PCDH11X: variants seen among roughly 807,000 people sequenced by gnomAD.
The protein encoded by PCDH11X is protocadherin 11 X-linked, also known as protocadherin-11 X-linked.
In PCDH11X, 18 loss-of-function variants were observed where a neutral mutation model predicts 53.3. The ratio of observed to expected loss-of-function variants is 0.34; its 90% CI spans 0.23 to 0.50. The LOEUF is 0.50. PCDH11X is among the 20% of genes least tolerant of loss of function. The probability of loss-of-function intolerance (pLI) is 0.98; values close to 1 mark genes in which losing one functional copy is unlikely to be tolerated. For synonymous variants in PCDH11X, 279 were observed against 393.3 expected (o/e 0.71, Z 3.44); for missense variants, 570 against 1,032.4 (o/e 0.55, Z 6.14).
chrX:92,555,106 A>G (rs2075026864), intron 10 of PCDH11X, among the ~76,000 whole-genome samples: 1 of 111,675 alleles, frequency 9.0e-6, no homozygotes, highest in African/African-American at 3.3e-5. Context: ...TAGGAACCTC[A>G]TAACTTTTAA....
intron 6 of PCDH11X, among the ~76,000 whole-genome samples, chrX:92,157,664 A>C (rs1245908946): frequency 8.9e-6 from 1 of 111,815 alleles, no homozygotes; most frequent in African/African-American, 3.2e-5. Context: ...ACTCAAATAC[A>C]CACTTTTCAT....
chrX:92,549,075 G>A (rs2751011), intron 10 of PCDH11X, among the ~76,000 whole-genome samples: 5,755 of 65,877 alleles, frequency 0.087, 444 homozygotes, highest in Non-Finnish European at 0.11. Flanking sequence ...GATTCACTAT[G>A]TATTCTCACA....
intron 8 of PCDH11X, among the ~76,000 whole-genome samples, chrX:92,321,334 A>C (rs2069201894): frequency 9.2e-6 from 1 of 108,180 alleles, no homozygotes; most frequent in South Asian, 4.1e-4. Flanking sequence ...CTGGAACTAC[A>C]GGCGCCTGCC....
Position 92,046,549 on chromosome X carries a change from A to AT in PCDH11X, c.3034-154824dup, listed in dbSNP as rs199625130. Among the ~76,000 whole-genome samples the AT allele has an allele frequency of 5.4e-3, 607 of 111,411 alleles. 14 individuals are homozygous for AT. The East Asian group carries it at 0.058, about 11-fold the overall frequency. On this transcript the variant is annotated intron_variant, in intron 6 of 10. Transcript: ENST00000682573. ...CATGTGTTGTTTGTTTTACATTGATATTGGCACTGTTGTAAATTCTTTTTG... is the reference window on the plus strand; with the variant it reads ...CATGTGTTGTTTGTTTTACATTGATATTTGGCACTGTTGTAAATTCTTTTTG...
intron 7 of PCDH11X, among the ~76,000 whole-genome samples, chrX:92,244,444 A>T (rs1411803413): frequency 3.6e-5 from 4 of 110,150 alleles, no homozygotes; most frequent in Non-Finnish European, 5.7e-5. Flanking sequence ...CAATTAATTG[A>T]TCTTCCTTAA....
intron 4 of PCDH11X, among the ~76,000 whole-genome samples, chrX:91,813,901 A>G (rs1474319384): frequency 9.3e-6 from 1 of 107,000 alleles, no homozygotes; most frequent in African/African-American, 3.4e-5. Context: ...AGCTGTACTT[A>G]GTGAAAAATT....
At chrX:92,565,410 A>G (rs1410820458) in intron 10 of PCDH11X, among the ~76,000 whole-genome samples, 2 of 103,372 alleles carry the variant, frequency 1.9e-5, no homozygotes, top group Non-Finnish European at 4.0e-5. Flanking sequence ...ATAAATGCAT[A>G]AAGAAAATGT....
chrX:92,008,156 G>T (rs2062633116), intron 6 of PCDH11X, among the ~76,000 whole-genome samples: 1 of 111,437 alleles, frequency 9.0e-6, no homozygotes, highest in African/African-American at 3.3e-5. Flanking sequence ...TTCTCCGGCT[G>T]GTGCCTCAGT....
At chrX:92,359,924 T>C (rs1360134949) in intron 8 of PCDH11X, among the ~76,000 whole-genome samples, 2 of 110,928 alleles carry the variant, frequency 1.8e-5, no homozygotes, top group Non-Finnish European at 3.8e-5. Flanking sequence ...CAAATACTTA[T>C]TTAATATGCC....
chrX:92,213,612 G>A (rs2066632230), intron 7 of PCDH11X, among the ~76,000 whole-genome samples: 3 of 111,501 alleles, frequency 2.7e-5, no homozygotes, highest in Non-Finnish European at 3.8e-5. Flanking sequence ...GATTCTCATG[G>A]CATGTTAATG....
intron 6 of PCDH11X, among the ~76,000 whole-genome samples, chrX:92,148,677 T>C (rs2065374176): frequency 9.2e-6 from 1 of 109,222 alleles, no homozygotes; most frequent in South Asian, 4.0e-4. Context: ...CCACTTAACT[T>C]TTTTTTTCTT....
chrX:92,289,114 T>C (rs1210323720), intron 8 of PCDH11X, among the ~76,000 whole-genome samples: 1 of 111,989 alleles, frequency 8.9e-6, no homozygotes. Flanking sequence ...ATGGTTGTTC[T>C]TTATTGACTG....
chrX:92,190,934 A>G (rs2066181796), intron 6 of PCDH11X, among the ~76,000 whole-genome samples: 1 of 111,783 alleles, frequency 8.9e-6, no homozygotes, highest in Admixed American at 9.6e-5. Context: ...TATTTTACTG[A>G]CGATTTTGTT....
chrX:92,537,545 T>C (rs2074682211), intron 10 of PCDH11X, among the ~76,000 whole-genome samples: 1 of 108,533 alleles, frequency 9.2e-6, no homozygotes, highest in Admixed American at 1.0e-4. Flanking sequence ...ATATTTAGAT[T>C]AGCCAAAGCT....
chrX:91,929,196 A>T lies in PCDH11X; in HGVS notation c.3033+49923A>T, dbSNP rs186380214. Among the ~76,000 whole-genome samples the T allele has an allele frequency of 6.2e-3, 686 of 111,263 alleles. 1 individual carries two copies. The highest frequency in any genetic ancestry group is 0.01 in the Non-Finnish European group (553 of 52,780). ...AAAAGTGAAATAATCTGCTATTCATATGTCTAGCAAAATTATTTCAACCAT... is the reference window on the plus strand; with the variant it reads ...AAAAGTGAAATAATCTGCTATTCATTTGTCTAGCAAAATTATTTCAACCAT... On this transcript the variant is annotated intron_variant, in intron 6 of 10. Transcript: ENST00000682573.
chrX:92,163,761 A>G (rs1406687293), intron 6 of PCDH11X, among the ~76,000 whole-genome samples: 1 of 110,425 alleles, frequency 9.1e-6, no homozygotes, highest in East Asian at 2.9e-4. Context: ...TTCTTGGTAT[A>G]TTTCTGTAGG....
intron 9 of PCDH11X, among the ~76,000 whole-genome samples, chrX:92,409,354 C>T (rs2071594956): frequency 8.9e-6 from 1 of 112,056 alleles, no homozygotes; most frequent in African/African-American, 3.2e-5. Flanking sequence ...TAAGCTAGAA[C>T]GTGGTTTGGC....
At chrX:92,063,523 T>TTA (rs1569335150) in intron 6 of PCDH11X, among the ~76,000 whole-genome samples, 1 of 111,227 alleles carries the variant, frequency 9.0e-6, no homozygotes, top group East Asian at 2.8e-4. Flanking sequence ...TGGTCTTCAT[T>TTA]TATATCCACA....
At chrX:92,589,456 C>A (rs1285946395) in intron 10 of PCDH11X, among the ~76,000 whole-genome samples, 2 of 111,417 alleles carry the variant, frequency 1.8e-5, no homozygotes, top group Admixed American at 9.6e-5. Context: ...AAAGTTAAAG[C>A]ATATAATCTT....
Sources: gnomAD v4.1 joint callset for allele counts (sites outside exome capture counted in the v4.1 genomes callset) on GRCh38, gnomAD v4.1.1 for gene constraint, MANE v1.5 for transcripts, NCBI Gene and HGNC (gene_info 2026-07-23, HGNC 2026-07-21) for gene names.